The following EYS variants were observed in gnomAD, a reference collection of about 807,000 sequenced individuals.
EYS encodes EGF-like photoreceptor maintenance factor.
EYS carries 250 observed loss-of-function variants against 282.1 expected under a neutral mutation model. That is an observed-to-expected ratio of 0.89 (90% CI 0.80 to 0.98). The LOEUF (loss-of-function observed/expected upper bound fraction) is 0.98, where lower values mean the gene tolerates loss of function less well. Ranked by LOEUF, EYS falls within the 50% of genes least tolerant of loss-of-function variation. The pLI is 0.00. For synonymous variants in EYS, 1,355 were observed against 1,282.9 expected, an observed-to-expected ratio of 1.06 and a Z score of -1.20; for missense variants, 4,016 against 3,709.0, an observed-to-expected ratio of 1.08 and a Z score of -2.15.
chr6:65,182,120 A>T (rs2150234158), intron 12 of EYS, among the ~76,000 whole-genome samples: 1 of 151,954 alleles, frequency 6.6e-6, no homozygotes, highest in East Asian at 2.0e-4. Context: ...TGACGAGTTA[A>T]TGGGTGCAGC....
chr6:65,400,519 C>A (rs138379531), intron 7 of EYS, among the ~76,000 whole-genome samples: 4 of 151,828 alleles, frequency 2.6e-5, no homozygotes, highest in Non-Finnish European at 5.9e-5. Flanking sequence ...CATTTTTATG[C>A]TAACTTCCCA....
chr6:65,130,618 T>C (rs9445473), intron 12 of EYS, among the ~76,000 whole-genome samples: 4,285 of 151,584 alleles, frequency 0.028, 153 homozygotes, highest in African/African-American at 0.086. Context: ...GATGGACTTA[T>C]AGAAGGGATC....
chr6:63,949,194 T>A (rs1336265419), intron 35 of EYS, among the ~76,000 whole-genome samples: 1 of 152,174 alleles, frequency 6.6e-6, no homozygotes, highest in Non-Finnish European at 1.5e-5. Flanking sequence ...ATAAGGGTAG[T>A]GAAGTGTCTA....
intron 12 of EYS, among the ~76,000 whole-genome samples, chr6:65,218,506 G>A (rs761311768): frequency 6.6e-6 from 1 of 152,110 alleles, no homozygotes; most frequent in African/African-American, 2.4e-5. Flanking sequence ...AGATGACAAT[G>A]TACCAGTTGT....
At chr6:65,268,805 G>GT (rs530146910) in intron 12 of EYS, among the ~76,000 whole-genome samples, 22,022 of 118,024 alleles carry the variant, frequency 0.19, 2,154 homozygotes, top group South Asian at 0.36. Flanking sequence ...TTCAACATAA[G>GT]TTTTTTTTTA....
chr6:64,087,896 A>G (rs1163030321), intron 31 of EYS, among the ~76,000 whole-genome samples: 1 of 152,110 alleles, frequency 6.6e-6, no homozygotes, highest in Non-Finnish European at 1.5e-5. Context: ...CACAAAGTAC[A>G]ATAAAAATAT....
At chr6:65,435,928 A>G (rs1161966793) in intron 5 of EYS, among the ~76,000 whole-genome samples, 1 of 152,168 alleles carries the variant, frequency 6.6e-6, no homozygotes, top group African/African-American at 2.4e-5. Context: ...AGAGAGGCCT[A>G]TGAAGAAACA....
chr6:65,619,814 T>C (rs1229200916), intron 2 of EYS, among the ~76,000 whole-genome samples: 1 of 150,720 alleles, frequency 6.6e-6, no homozygotes. Flanking sequence ...GAGATAATCA[T>C]GCGGTTTTTG....
intron 29 of EYS, among the ~76,000 whole-genome samples, chr6:64,337,553 A>C (rs1018983249): frequency 1.3e-5 from 2 of 152,100 alleles, no homozygotes; most frequent in African/African-American, 2.4e-5. Flanking sequence ...CAGATATTCA[A>C]AGAAGCATTG....
At chr6:65,125,778 A>G (rs1306527142) in intron 12 of EYS, among the ~76,000 whole-genome samples, 1 of 152,008 alleles carries the variant, frequency 6.6e-6, no homozygotes, top group Non-Finnish European at 1.5e-5. Flanking sequence ...CCCACCTCCT[A>G]ACAATAAGGA....
chr6:64,960,065 A>G lies in EYS; in HGVS notation c.2260-14151T>C, dbSNP rs141152592. On this transcript the variant is annotated intron_variant, in intron 14 of 42. Transcript: ENST00000503581. ...GTGATATTAGTCTTAATGCCTTTCA[A>G]TTGAATAAAATCAATGGTAATTTTC... 5.9e-5 allele frequency among the ~76,000 whole-genome samples: 9 copies of G among 152,166 alleles called. No individual in the cohort carries two copies. The East Asian group carries it at 9.7e-4, about 16-fold the overall frequency.
At chr6:65,471,007 C>T (rs757127694) in intron 5 of EYS, among the ~76,000 whole-genome samples, 6 of 151,718 alleles carry the variant, frequency 4.0e-5, no homozygotes, top group East Asian at 1.9e-4. Context: ...CATGGTGGCA[C>T]GCACCTGTAA....
intron 2 of EYS, among the ~76,000 whole-genome samples, chr6:65,560,473 T>A (rs2127344639): frequency 6.6e-6 from 1 of 150,400 alleles, no homozygotes; most frequent in Admixed American, 6.7e-5. Context: ...AGACTGTTCT[T>A]GGTGTCCATT....
At chr6:64,196,687 T>G (rs1409977462) in intron 31 of EYS, among the ~76,000 whole-genome samples, 1 of 142,188 alleles carries the variant, frequency 7.0e-6, no homozygotes, top group East Asian at 2.1e-4. Context: ...AGATGGGAAT[T>G]GAACAATGAG....
intron 14 of EYS, among the ~76,000 whole-genome samples, chr6:64,980,223 T>G (rs1770609279): frequency 6.6e-6 from 1 of 151,582 alleles, no homozygotes; most frequent in Non-Finnish European, 1.5e-5. Context: ...CACAATAATG[T>G]ACAATCATTA....
chr6:65,119,630 C>CTTTTTT (rs3036008), intron 12 of EYS, among the ~76,000 whole-genome samples: 6,832 of 135,140 alleles, frequency 0.051, 661 homozygotes, highest in African/African-American at 0.18. Flanking sequence ...GCCTTTTTAT[C>CTTTTTT]TTTTTTTTTT....
chr6:65,183,938 C>T (rs556984407), intron 12 of EYS, among the ~76,000 whole-genome samples: 3 of 151,852 alleles, frequency 2.0e-5, no homozygotes, highest in Non-Finnish European at 4.4e-5. Context: ...GTCTATACTG[C>T]ACTTCAAGAA....
chr6:64,576,112 C>A (rs7452787), intron 26 of EYS, among the ~76,000 whole-genome samples: 1 of 151,952 alleles, frequency 6.6e-6, no homozygotes, highest in Non-Finnish European at 1.5e-5. Context: ...CTTTAAAAAT[C>A]TTGGAAAATG....
At chr6:64,012,373 C>G (rs1344901384) in intron 33 of EYS, among the ~76,000 whole-genome samples, 2 of 152,174 alleles carry the variant, frequency 1.3e-5, no homozygotes, top group Non-Finnish European at 2.9e-5. Flanking sequence ...AGTGACAGCT[C>G]TACATGAGAA....
Sources: allele counts gnomAD v4.1 joint callset (sites outside exome capture counted in the v4.1 genomes callset), GRCh38; gene constraint gnomAD v4.1.1; transcripts MANE v1.5; gene names NCBI Gene and HGNC (gene_info 2026-07-23, HGNC 2026-07-21).